TSGA10: variants seen among roughly 807,000 people sequenced by gnomAD.
TSGA10 encodes the protein testis specific 10, also known as testis-specific gene 10 protein.
In TSGA10, 43 loss-of-function variants were observed where a neutral mutation model predicts 96.6. The ratio of observed to expected loss-of-function variants is 0.44; its 90% CI spans 0.35 to 0.57. The LOEUF (loss-of-function observed/expected upper bound fraction) is 0.57. Ranked by LOEUF, TSGA10 falls within the 20% of genes least tolerant of loss-of-function variation. The pLI is 0.01. For synonymous variants in TSGA10, 229 were observed against 269.9 expected (o/e 0.85, Z 1.48); for missense variants, 703 against 834.4 (o/e 0.84, Z 1.94).
intron 16 of TSGA10, among the ~76,000 whole-genome samples, chr2:99,049,222 A>G (rs1272628695): frequency 1.3e-5 from 2 of 152,218 alleles, no homozygotes; most frequent in African/African-American, 2.4e-5. Context: ...CAGCAATCCC[A>G]TTAATGGGTA....
chr2:99,031,072 T>C (rs1051640076), intron 17 of TSGA10, among the ~76,000 whole-genome samples: 2 of 151,738 alleles, frequency 1.3e-5, no homozygotes, highest in Non-Finnish European at 2.9e-5. Flanking sequence ...CAGATGAACC[T>C]AAATTAAAGA....
chr2:99,140,632 C>A (rs2093500065), intron 1 of TSGA10, among the ~76,000 whole-genome samples: 2 of 152,262 alleles, frequency 1.3e-5, no homozygotes, highest in Middle Eastern at 3.4e-3. Context: ...CTAAAATTAT[C>A]TGAGATTTTC....
intron 16 of TSGA10, among the ~76,000 whole-genome samples, chr2:99,046,984 A>C (rs1171554722): frequency 6.6e-6 from 1 of 152,220 alleles, no homozygotes; most frequent in Non-Finnish European, 1.5e-5. Context: ...AGAAACGGAT[A>C]AATTCCTGGA....
At chr2:99,047,351 C>G (rs527689910) in intron 16 of TSGA10, among the ~76,000 whole-genome samples, 7 of 152,304 alleles carry the variant, frequency 4.6e-5, no homozygotes, top group Admixed American at 2.0e-4. Flanking sequence ...CCGAATCCAG[C>G]AGTACGTCAG....
At chr2:99,140,039 C>T (rs907551743) in intron 1 of TSGA10, among the ~76,000 whole-genome samples, 1 of 152,164 alleles carries the variant, frequency 6.6e-6, no homozygotes, top group Non-Finnish European at 1.5e-5. Context: ...AATCTCTACA[C>T]CTGATTATAT....
intron 16 of TSGA10, among the ~76,000 whole-genome samples, chr2:99,051,846 T>C (rs1363450930): frequency 6.6e-6 from 1 of 151,500 alleles, no homozygotes; most frequent in African/African-American, 2.4e-5. Flanking sequence ...AACTAACAAA[T>C]ATGTGGAAAT....
chr2:99,108,750 C>T, intron 7 of TSGA10, 83 bp downstream of exon 7: 1 of 955,150 alleles, frequency 1.0e-6, no homozygotes, highest in Non-Finnish European at 1.5e-6. Flanking sequence ...CAGGTTTAAG[C>T]AGTCTCATAA....
intron 16 of TSGA10, among the ~76,000 whole-genome samples, chr2:99,037,469 C>T (rs959717655): frequency 1.8e-4 from 28 of 152,070 alleles, no homozygotes; most frequent in African/African-American, 6.5e-4. Flanking sequence ...ATATAACTTA[C>T]CAAAATTTGT....
At chr2:99,112,818 G>A (rs1441278724) in intron 4 of TSGA10, among the ~76,000 whole-genome samples, 3 of 147,436 alleles carry the variant, frequency 2.0e-5, no homozygotes, top group Non-Finnish European at 3.0e-5. Flanking sequence ...TTCAGAGCCC[G>A]CTGTGTGGAA....
chr2:99,022,767 T>G (rs1345122940), intron 17 of TSGA10, among the ~76,000 whole-genome samples: 1 of 152,198 alleles, frequency 6.6e-6, no homozygotes, highest in Non-Finnish European at 1.5e-5. Context: ...TGACAAAATG[T>G]TTTACAAAGT....
chr2:99,038,514 T>A (rs1290978848), intron 16 of TSGA10, among the ~76,000 whole-genome samples: 2 of 152,086 alleles, frequency 1.3e-5, no homozygotes, highest in Non-Finnish European at 2.9e-5. Flanking sequence ...TATTCTTATA[T>A]CAGACAAAGC....
At chr2:99,121,598 A>T (rs907207114) in intron 2 of TSGA10, among the ~76,000 whole-genome samples, 1 of 147,226 alleles carries the variant, frequency 6.8e-6, no homozygotes, top group African/African-American at 2.5e-5. Context: ...CAGCCTCTCA[A>T]GTAGCTGGGA....
At chr2:99,076,694 C>T (rs1446604750) in intron 12 of TSGA10, among the ~76,000 whole-genome samples, 1 of 152,156 alleles carries the variant, frequency 6.6e-6, no homozygotes, top group Non-Finnish European at 1.5e-5. Context: ...TATCTCTCTA[C>T]AACCTGTTCT....
chr2:99,141,044 C>A (rs1489390916), intron 1 of TSGA10: 2 of 1,251,250 alleles, frequency 1.6e-6, no homozygotes, highest in Admixed American at 5.1e-5. Context: ...AGTCCAGTAG[C>A]AGCACTCTCC....
chr2:99,027,452 G>A (rs1024815186), intron 17 of TSGA10, among the ~76,000 whole-genome samples: 3 of 152,168 alleles, frequency 2.0e-5, no homozygotes, highest in Non-Finnish European at 4.4e-5. Context: ...GGAGAAATAA[G>A]TTTTGGTGAT....
intron 10 of TSGA10, chr2:99,102,133 A>T: frequency 6.8e-7 from 1 of 1,472,324 alleles, no homozygotes; most frequent in Admixed American, 1.7e-5. Flanking sequence ...AGGGGTTACA[A>T]ATCGATCATG....
Position 99,018,428 on chromosome 2 carries a change from C to T in TSGA10, c.1923-79G>A, listed in dbSNP as rs896227956. On this transcript the variant is annotated intron_variant, in intron 19 of 20. Coordinates refer to ENST00000393483, the MANE Select transcript of TSGA10 (RefSeq NM_025244.4). ...TATCATAAAACTAGCTCAATTCATACTTGAAAATCTAACCATCATGAAAGA... is the reference window on the plus strand; with the variant it reads ...TATCATAAAACTAGCTCAATTCATATTTGAAAATCTAACCATCATGAAAGA... 11 of 1,575,158 alleles carry T rather than the reference C, an allele frequency of 7.0e-6. No individual in the cohort carries two copies. The African/African-American group carries it at 1.2e-4, about 18-fold the overall frequency.
chr2:99,106,643 C>A (rs186589388), intron 7 of TSGA10, among the ~76,000 whole-genome samples: 1 of 151,174 alleles, frequency 6.6e-6, no homozygotes, highest in Admixed American at 6.6e-5. Flanking sequence ...TCCCACCCTC[C>A]CACCTTCTGT....
chr2:99,073,872 G>A (rs1157312276), intron 12 of TSGA10, among the ~76,000 whole-genome samples: 1 of 151,602 alleles, frequency 6.6e-6, no homozygotes, highest in African/African-American at 2.4e-5. Flanking sequence ...AAGTAAGAAA[G>A]TTATTTCACT....
Sources: allele counts gnomAD v4.1 joint callset (sites outside exome capture counted in the v4.1 genomes callset), GRCh38; gene constraint gnomAD v4.1.1; transcripts MANE v1.5; gene names NCBI Gene and HGNC (gene_info 2026-07-23, HGNC 2026-07-21).